The following CA10 variants were observed in gnomAD, a reference collection of about 807,000 sequenced individuals.
The protein encoded by CA10 is carbonic anhydrase-related protein 10.
Under a neutral mutation model 44.2 loss-of-function variants are expected in CA10, and 14 were observed. The ratio of observed to expected loss-of-function variants is 0.32; its 90% CI spans 0.21 to 0.50. CA10 has a LOEUF of 0.50. Among genes scored for constraint, CA10 ranks in the 20% least tolerant of loss-of-function variants. CA10 has a pLI of 0.99. For missense variants in CA10, 350 were observed against 409.7 expected (o/e 0.85, Z 1.26); for synonymous variants, 159 against 141.6 (o/e 1.12, Z -0.87).
At chr17:51,935,295 C>T (rs1459925887) in intron 2 of CA10, among the ~76,000 whole-genome samples, 1 of 152,042 alleles carries the variant, frequency 6.6e-6, no homozygotes, top group East Asian at 1.9e-4. Flanking sequence ...GATGTTTAAA[C>T]TTTTATTTTT....
chr17:51,705,386 C>A (rs1225948301), intron 4 of CA10, among the ~76,000 whole-genome samples: 1 of 152,270 alleles, frequency 6.6e-6, no homozygotes, highest in Non-Finnish European at 1.5e-5. Flanking sequence ...CAGAGGGGAT[C>A]CTTAGTTTAA....
chr17:52,048,047 A>T (rs1223204055), intron 2 of CA10, among the ~76,000 whole-genome samples: 1 of 151,722 alleles, frequency 6.6e-6, no homozygotes, highest in Non-Finnish European at 1.5e-5. Context: ...CAAAAATTAA[A>T]AAAAAAAAAA....
At chr17:51,902,226 A>G (rs191077984) in intron 3 of CA10, among the ~76,000 whole-genome samples, 2 of 152,238 alleles carry the variant, frequency 1.3e-5, no homozygotes, top group Non-Finnish European at 1.5e-5. Flanking sequence ...AGATTTTGCT[A>G]TTCATCAGGT....
chr17:52,002,090 T>G (rs1192310421), intron 2 of CA10, among the ~76,000 whole-genome samples: 1 of 151,896 alleles, frequency 6.6e-6, no homozygotes, highest in Non-Finnish European at 1.5e-5. Context: ...CCACACATAT[T>G]AAAGCAAACA....
At chr17:51,974,867 A>G (rs1984409980) in intron 2 of CA10, among the ~76,000 whole-genome samples, 1 of 152,204 alleles carries the variant, frequency 6.6e-6, no homozygotes, top group Non-Finnish European at 1.5e-5. Flanking sequence ...TCTTTCAAAT[A>G]TAAAGGTAAA....
intron 1 of CA10, among the ~76,000 whole-genome samples, chr17:52,108,748 G>C (rs902974558): frequency 4.1e-5 from 6 of 147,844 alleles, no homozygotes; most frequent in Non-Finnish European, 9.0e-5. Flanking sequence ...AATGAGATTT[G>C]AGGACTTCGG....
chr17:51,845,818 G>A (rs1308174526), intron 3 of CA10, among the ~76,000 whole-genome samples: 4 of 152,184 alleles, frequency 2.6e-5, no homozygotes, highest in Admixed American at 6.5e-5. Flanking sequence ...AATAAAGGGC[G>A]ACTGGCTTCT....
At chr17:52,076,649 G>T (rs1987826137) in intron 1 of CA10, among the ~76,000 whole-genome samples, 1 of 152,174 alleles carries the variant, frequency 6.6e-6, no homozygotes, top group African/African-American at 2.4e-5. Flanking sequence ...ATACTGTTTG[G>T]TAATTTAGAA....
At chr17:52,138,785 C>T (rs180892539) in intron 1 of CA10, among the ~76,000 whole-genome samples, 1 of 152,172 alleles carries the variant, frequency 6.6e-6, no homozygotes, top group African/African-American at 2.4e-5. Flanking sequence ...TTTCCAATTA[C>T]TATTTTTTGG....
At chr17:52,123,371 G>GGGGTGT (rs1555568608) in intron 1 of CA10, among the ~76,000 whole-genome samples, 39 of 146,242 alleles carry the variant, frequency 2.7e-4, no homozygotes, top group Non-Finnish European at 4.0e-4. Flanking sequence ...ATATATATGG[G>GGGGTGT]GTGTGTGTGT....
intron 3 of CA10, among the ~76,000 whole-genome samples, chr17:51,782,752 C>T (rs1395109622): frequency 6.6e-6 from 1 of 152,160 alleles, no homozygotes; most frequent in African/African-American, 2.4e-5. Context: ...TTAGATCCTT[C>T]CAATATTCCT....
chr17:51,737,772 C>T (rs1916960999), intron 4 of CA10, among the ~76,000 whole-genome samples: 2 of 152,120 alleles, frequency 1.3e-5, no homozygotes, highest in South Asian at 4.1e-4. Flanking sequence ...CCTACAGCCC[C>T]CCTTCCAGGC....
intron 4 of CA10, among the ~76,000 whole-genome samples, chr17:51,698,247 C>CA (rs1347771092): frequency 6.6e-6 from 1 of 152,252 alleles, no homozygotes; most frequent in Non-Finnish European, 1.5e-5. Flanking sequence ...TCTGCTCCCT[C>CA]ACCTTCCGTC....
intron 3 of CA10, among the ~76,000 whole-genome samples, chr17:51,814,649 G>A (rs985706114): frequency 2.0e-5 from 3 of 152,128 alleles, no homozygotes; most frequent in Admixed American, 6.5e-5. Context: ...CTGTTCCATG[G>A]AACCCTTAGT....
chr17:52,049,230 G>A (rs1986993940), intron 2 of CA10, among the ~76,000 whole-genome samples: 1 of 152,060 alleles, frequency 6.6e-6, no homozygotes, highest in Non-Finnish European at 1.5e-5. Context: ...AGGATGCTCA[G>A]AATAGTACCA....
At chr17:51,773,223 G>A (rs1292142873) in intron 3 of CA10, among the ~76,000 whole-genome samples, 2 of 152,218 alleles carry the variant, frequency 1.3e-5, no homozygotes, top group Non-Finnish European at 2.9e-5. Context: ...AGAACATTCT[G>A]GAAGCCAGGT....
chr17:51,872,846 A>C (rs192861844), intron 3 of CA10, among the ~76,000 whole-genome samples: 1 of 152,234 alleles, frequency 6.6e-6, no homozygotes, highest in Non-Finnish European at 1.5e-5. Flanking sequence ...CCAGTACTGC[A>C]CCAAGTATGT....
At chr17:52,036,868 T>G (rs1437243921) in intron 2 of CA10, among the ~76,000 whole-genome samples, 1 of 152,174 alleles carries the variant, frequency 6.6e-6, no homozygotes, top group Non-Finnish European at 1.5e-5. Context: ...TATCAGAGCA[T>G]GATACATTCA....
rs1989874415 is a variant in CA10, at chr17:52,158,698, G to A, written c.-912C>T. ...ATCGCCCGCAACTAGCGCCGCTGTCGAGATTTTCCGCAATACAACTGCAGG... is the reference window on the plus strand; with the variant it reads ...ATCGCCCGCAACTAGCGCCGCTGTCAAGATTTTCCGCAATACAACTGCAGG... On this transcript the variant is annotated 5_prime_UTR_variant, in exon 1 of 9. Coordinates refer to ENST00000451037, the MANE Select transcript of CA10 (RefSeq NM_020178.5). 1 of 152,576 alleles carries A rather than the reference G, an allele frequency of 6.6e-6. No individual in the cohort carries two copies. The highest frequency in any genetic ancestry group is 2.4e-5 in the African/African-American group (1 of 41,466). The allele number at this position is 152,576 out of a possible 1,614,324, so 9.5% of individuals were successfully genotyped here.
Sources: allele counts gnomAD v4.1 joint callset (sites outside exome capture counted in the v4.1 genomes callset), GRCh38; gene constraint gnomAD v4.1.1; transcripts MANE v1.5; gene names NCBI Gene and HGNC (gene_info 2026-07-23, HGNC 2026-07-21).